Variants in GSE1 observed in about 807,000 individuals in gnomAD.
The protein encoded by GSE1 is genetic suppressor element 1.
GSE1 carries 32 observed loss-of-function variants against 112.6 expected under a neutral mutation model. The ratio of observed to expected loss-of-function variants is 0.28; its 90% CI spans 0.21 to 0.38. The LOEUF (loss-of-function observed/expected upper bound fraction) is 0.38. Ranked by LOEUF, GSE1 falls within the 10% of genes least tolerant of loss-of-function variation. The pLI is 1.00. For synonymous variants in GSE1, 1,115 were observed against 735.6 expected (o/e 1.52, Z -8.35); for missense variants, 2,348 against 1,699.2 (o/e 1.38, Z -6.71).
chr16:85,322,736 C>T (rs962334402), intron 1 of GSE1, among the ~76,000 whole-genome samples: 3 of 151,946 alleles, frequency 2.0e-5, no homozygotes, highest in Non-Finnish European at 4.4e-5. Flanking sequence ...CTGCGTCAGC[C>T]TCCTGAGTAG....
rs115729531 is a variant in GSE1 at position 85,260,965 on chromosome 16, A to G, written c.2283+89158A>G. On this transcript the variant is annotated intron_variant, in intron 1 of 2. Transcript: ENST00000637419. ...CAGGGAGAAAGCGAATGTGTTTGGA[A>G]AGGCCCGGCCTGGCATCTTGGGAGG... Among the ~76,000 whole-genome samples, 451 of 152,312 alleles carry G rather than the reference A, an allele frequency of 3.0e-3. 3 individuals are homozygous for G. Among genetic ancestry groups the G allele is most frequent in the African/African-American group, 0.01 (422 of 41,572 alleles).
chr16:85,171,567 G>A (rs2074359290), exon 1 of GSE1: 3 of 985,598 alleles, frequency 3.0e-6, no homozygotes, highest in Non-Finnish European at 3.6e-6. Flanking sequence ...AGGTGGAGAC[G>A]TTCGTGTGCT....
intron 1 of GSE1, among the ~76,000 whole-genome samples, chr16:85,352,278 C>A (rs77232736): frequency 0.017 from 2,629 of 152,196 alleles, 80 homozygotes; most frequent in African/African-American, 0.061. Context: ...GCTGTGAATC[C>A]CCATTTATTT....
At chr16:85,507,320 G>A (rs962546876) in intron 2 of GSE1, among the ~76,000 whole-genome samples, 2 of 152,182 alleles carry the variant, frequency 1.3e-5, no homozygotes, top group Non-Finnish European at 2.9e-5. Flanking sequence ...TGAGCGGGGG[G>A]CTGTGGTAGG....
intron 1 of GSE1, among the ~76,000 whole-genome samples, chr16:85,236,502 G>A (rs1349314931): frequency 6.6e-6 from 1 of 152,232 alleles, no homozygotes; most frequent in Non-Finnish European, 1.5e-5. Context: ...CCGTTGTGGG[G>A]AGAACGGCCT....
chr16:85,499,809 G>T (rs927579757), intron 2 of GSE1, among the ~76,000 whole-genome samples: 1 of 152,210 alleles, frequency 6.6e-6, no homozygotes, highest in Non-Finnish European at 1.5e-5. Context: ...AACATAAAAA[G>T]ATAACATATG....
chr16:85,195,302 T>G (rs1468208975), intron 1 of GSE1, among the ~76,000 whole-genome samples: 2 of 152,174 alleles, frequency 1.3e-5, no homozygotes, highest in Non-Finnish European at 2.9e-5. Context: ...AGAAGGATTT[T>G]TCTGAGTGCC....
At chr16:85,647,732 G>A (rs938704398) in intron 2 of GSE1, among the ~76,000 whole-genome samples, 2 of 152,176 alleles carry the variant, frequency 1.3e-5, no homozygotes, top group Admixed American at 1.3e-4. Context: ...GACTACAGGC[G>A]CGCGCCATCA....
At chr16:85,595,030 CA>C (rs2047162833) in intron 1 of GSE1, 2 of 152,402 alleles carry the variant, frequency 1.3e-5, no homozygotes, top group African/African-American at 4.8e-5. Context: ...CTGCACAGGC[CA>C]GGACGTTCCT....
intron 1 of GSE1, chr16:85,207,654 G>C (rs1211866218): frequency 6.6e-6 from 1 of 152,282 alleles, no homozygotes; most frequent in African/African-American, 2.4e-5. Flanking sequence ...GTTGAATCCC[G>C]GCTCTGCCGT....
At chr16:85,174,841 G>C (rs1234997977) in intron 1 of GSE1, among the ~76,000 whole-genome samples, 2 of 152,218 alleles carry the variant, frequency 1.3e-5, no homozygotes, top group Non-Finnish European at 2.9e-5. Context: ...GAGGGAGAGA[G>C]GGTGGAGGGG....
At chr16:85,343,416 T>C (rs962905856) in intron 1 of GSE1, among the ~76,000 whole-genome samples, 15 of 152,258 alleles carry the variant, frequency 9.9e-5, no homozygotes, top group African/African-American at 3.6e-4. Flanking sequence ...GATGGCTCCA[T>C]TACTGCTTAC....
At chr16:85,276,176 G>C (rs572571416) in intron 1 of GSE1, among the ~76,000 whole-genome samples, 1 of 152,388 alleles carries the variant, frequency 6.6e-6, no homozygotes, top group South Asian at 2.1e-4. Flanking sequence ...AGCAGGCCAG[G>C]CCTGTTGTTT....
At chr16:85,235,963 C>T (rs1904600563) in intron 1 of GSE1, among the ~76,000 whole-genome samples, 1 of 145,366 alleles carries the variant, frequency 6.9e-6, no homozygotes, top group Non-Finnish European at 1.5e-5. Context: ...GCCGGCGCCC[C>T]CTCCGGCGCC....
chr16:85,331,819 A>G (rs2046381986), intron 1 of GSE1, among the ~76,000 whole-genome samples: 1 of 150,346 alleles, frequency 6.7e-6, no homozygotes, highest in African/African-American at 2.5e-5. Flanking sequence ...AAGTGCTGGG[A>G]TTACAGGCAT....
At chr16:85,401,551 G>C (rs1193952018) in intron 2 of GSE1, among the ~76,000 whole-genome samples, 2 of 152,200 alleles carry the variant, frequency 1.3e-5, no homozygotes, top group African/African-American at 2.4e-5. Flanking sequence ...GGGCTTGGGA[G>C]GGCAGGGTGG....
At chr16:85,385,036 C>T (rs184014656) in intron 2 of GSE1, among the ~76,000 whole-genome samples, 1 of 152,390 alleles carries the variant, frequency 6.6e-6, no homozygotes, top group African/African-American at 2.4e-5. Flanking sequence ...CACTTCCCAT[C>T]ATAAAAGTCT....
At chr16:85,330,048 C>T (rs549553739) in intron 1 of GSE1, among the ~76,000 whole-genome samples, 7 of 152,232 alleles carry the variant, frequency 4.6e-5, no homozygotes, top group Non-Finnish European at 8.8e-5. Context: ...CGGTGGGCTC[C>T]GAGGTGCACG....
chr16:85,523,273 T>C (rs1164416339), intron 2 of GSE1, among the ~76,000 whole-genome samples: 6 of 147,702 alleles, frequency 4.1e-5, no homozygotes, highest in African/African-American at 1.6e-4. Flanking sequence ...CCTGTGTGTG[T>C]GAGACCTCTG....
Sources: allele counts gnomAD v4.1 joint callset (sites outside exome capture counted in the v4.1 genomes callset), GRCh38; gene constraint gnomAD v4.1.1; transcripts MANE v1.5; gene names NCBI Gene and HGNC (gene_info 2026-07-23, HGNC 2026-07-21).